Variants in ADAMTSL1 observed in about 807,000 individuals in gnomAD.
ADAMTSL1 encodes the protein ADAMTS-like protein 1.
Under a neutral mutation model 201.8 loss-of-function variants are expected in ADAMTSL1, and 126 were observed. The observed-to-expected ratio is 0.62, with a 90% CI of 0.54 to 0.72. ADAMTSL1 has a LOEUF of 0.72. Among genes scored for constraint, ADAMTSL1 ranks in the 30% least tolerant of loss-of-function variants. ADAMTSL1 has a pLI of 0.00. For synonymous variants in ADAMTSL1, 1,121 were observed against 903.4 expected (o/e 1.24, Z -4.32); for missense variants, 2,679 against 2,277.8 (o/e 1.18, Z -3.59).
intron 19 of ADAMTSL1, among the ~76,000 whole-genome samples, chr9:18,789,041 T>G (rs1821873980): frequency 6.6e-6 from 1 of 152,206 alleles, no homozygotes; most frequent in Non-Finnish European, 1.5e-5. Context: ...TTCTCCTCCC[T>G]GGTCCCATGC....
At chr9:18,382,952 T>G (rs1837621459) in intron 2 of ADAMTSL1, among the ~76,000 whole-genome samples, 1 of 152,192 alleles carries the variant, frequency 6.6e-6, no homozygotes, top group African/African-American at 2.4e-5. Context: ...AAGATCGCAC[T>G]GAAACAGAAC....
At chr9:18,512,572 T>G (rs10810974) in intron 2 of ADAMTSL1, among the ~76,000 whole-genome samples, 1 of 151,864 alleles carries the variant, frequency 6.6e-6, no homozygotes, top group Admixed American at 6.6e-5. Flanking sequence ...GTAGGTATAA[T>G]TAAGGATAGA....
intron 9 of ADAMTSL1, among the ~76,000 whole-genome samples, chr9:18,674,739 A>G (rs1183868030): frequency 1.3e-5 from 2 of 152,198 alleles, no homozygotes; most frequent in African/African-American, 4.8e-5. Context: ...CAGATAGAAT[A>G]CATGAGTTCC....
chr9:18,016,561 C>T (rs189574791), intron 1 of ADAMTSL1, among the ~76,000 whole-genome samples: 1 of 151,978 alleles, frequency 6.6e-6, no homozygotes, highest in African/African-American at 2.4e-5. Flanking sequence ...CTAATTTTTC[C>T]ATCCCACTCC....
intron 1 of ADAMTSL1, among the ~76,000 whole-genome samples, chr9:17,955,836 C>T (rs1827908667): frequency 6.6e-6 from 1 of 152,088 alleles, no homozygotes. Context: ...TATAGGGTTT[C>T]GTTCTATCCA....
At chr9:18,761,972 G>C (rs1398651586) in intron 16 of ADAMTSL1, among the ~76,000 whole-genome samples, 1 of 152,176 alleles carries the variant, frequency 6.6e-6, no homozygotes, top group Non-Finnish European at 1.5e-5. Flanking sequence ...GCAGCTTCTG[G>C]CTAATGATAA....
chr9:18,598,221 C>G (rs1368955227), intron 4 of ADAMTSL1, among the ~76,000 whole-genome samples: 1 of 152,160 alleles, frequency 6.6e-6, no homozygotes, highest in Non-Finnish European at 1.5e-5. Flanking sequence ...TCAGCTGAAT[C>G]TCCTTATTTT....
At chr9:18,631,384 G>A (rs1656652065) in intron 5 of ADAMTSL1, among the ~76,000 whole-genome samples, 1 of 152,156 alleles carries the variant, frequency 6.6e-6, no homozygotes. Flanking sequence ...TATATTTTAA[G>A]AGTAATAAAA....
chr9:18,013,555 A>T (rs1820139253), intron 1 of ADAMTSL1, among the ~76,000 whole-genome samples: 2 of 152,086 alleles, frequency 1.3e-5, no homozygotes, highest in African/African-American at 4.8e-5. Context: ...AGCAACCAAA[A>T]AACACGGATT....
chr9:17,939,911 G>C (rs1017992567), intron 1 of ADAMTSL1, among the ~76,000 whole-genome samples: 1 of 152,146 alleles, frequency 6.6e-6, no homozygotes, highest in Non-Finnish European at 1.5e-5. Context: ...GAAAGGGAGG[G>C]TTTCTTTGAG....
In ADAMTSL1 at chr9:18,888,026, C is replaced by A. The variant is rs780530181; in HGVS notation, c.4445C>A (p.Ala1482Glu). ...GAGGCAGGGGTGCTCATGCAGAAGG[C>A]ATCTTTAGTGATCCAAGGTAAGAAA... is the stretch of plus-strand genomic sequence containing the variant. Reference protein sequence around the residue: ...QNEAGVLMQKASLVIQDYWWS... With the variant: ...QNEAGVLMQKESLVIQDYWWS... The change falls in exon 24 of 29, where the codon GCA (alanine) becomes GAA (glutamate). Residue 1482 changes from alanine (A) to glutamate (E), a missense_variant. Ala to Glu is a moderately radical substitution (Grantham distance 107, BLOSUM62 -1). Coordinates refer to ENST00000380548, the MANE Select transcript of ADAMTSL1 (RefSeq NM_001040272.6). 6.2e-7 allele frequency: 1 copy of A among 1,613,250 alleles called. No individual in the cohort carries two copies. The highest frequency in any genetic ancestry group is 1.1e-5 in the South Asian group (1 of 91,044).
chr9:18,825,765 T>C (rs1425942982), intron 21 of ADAMTSL1, among the ~76,000 whole-genome samples: 2 of 150,236 alleles, frequency 1.3e-5, no homozygotes, highest in Non-Finnish European at 3.0e-5. Flanking sequence ...AGATTAATGT[T>C]ACCAGGTTTT....
At chr9:17,917,777 T>G (rs1252541944) in intron 1 of ADAMTSL1, among the ~76,000 whole-genome samples, 1 of 151,984 alleles carries the variant, frequency 6.6e-6, no homozygotes, top group African/African-American at 2.4e-5. Flanking sequence ...GTTTAAGAAT[T>G]CACCAGTGAA....
chr9:18,597,221 A>G (rs10810991), intron 4 of ADAMTSL1, among the ~76,000 whole-genome samples: 36,113 of 152,080 alleles, frequency 0.24, 4,699 homozygotes, highest in East Asian at 0.5. Flanking sequence ...TTATCTTTTA[A>G]TATATTTGTG....
chr9:18,745,086 C>T (rs565192736), intron 15 of ADAMTSL1, among the ~76,000 whole-genome samples: 1 of 152,234 alleles, frequency 6.6e-6, no homozygotes, highest in Non-Finnish European at 1.5e-5. Flanking sequence ...ATATGTAGCA[C>T]TTAATAAGTA....
intron 1 of ADAMTSL1, among the ~76,000 whole-genome samples, chr9:17,986,646 C>T (rs751325119): frequency 1.3e-5 from 2 of 152,026 alleles, no homozygotes; most frequent in Admixed American, 6.6e-5. Flanking sequence ...TGCTATATGT[C>T]CTTACAGAGG....
intron 2 of ADAMTSL1, among the ~76,000 whole-genome samples, chr9:18,436,619 A>C (rs1819744295): frequency 6.6e-6 from 1 of 152,104 alleles, no homozygotes; most frequent in African/African-American, 2.4e-5. Flanking sequence ...GCCCTTGCCC[A>C]GGTCACCCAT....
intron 20 of ADAMTSL1, among the ~76,000 whole-genome samples, chr9:18,805,832 G>A (rs557367203): frequency 4.6e-5 from 7 of 152,302 alleles, no homozygotes; most frequent in East Asian, 1.9e-4. Flanking sequence ...CCTGTTTGCT[G>A]TTCGTGGGCC....
chr9:18,414,500 C>T (rs909828933), intron 2 of ADAMTSL1, among the ~76,000 whole-genome samples: 3 of 152,014 alleles, frequency 2.0e-5, no homozygotes, highest in Non-Finnish European at 4.4e-5. Flanking sequence ...AAAAAACAAA[C>T]AAAAATGTGT....
Sources: allele counts gnomAD v4.1 joint callset (sites outside exome capture counted in the v4.1 genomes callset), GRCh38; gene constraint gnomAD v4.1.1; transcripts MANE v1.5; gene names NCBI Gene and HGNC (gene_info 2026-07-23, HGNC 2026-07-21).